The following SUZ12 variants were observed in gnomAD, a reference collection of about 807,000 sequenced individuals.
SUZ12 encodes the protein polycomb protein SUZ12.
SUZ12 carries 17 observed loss-of-function variants against 87.3 expected under a neutral mutation model. That is an observed-to-expected ratio of 0.19 (90% CI 0.13 to 0.29). The LOEUF (loss-of-function observed/expected upper bound fraction) is 0.29. Ranked by LOEUF, SUZ12 falls within the 10% of genes least tolerant of loss-of-function variation. The pLI, the probability that SUZ12 is intolerant of heterozygous loss-of-function variation, is 1.00. For synonymous variants in SUZ12, 253 were observed against 312.4 expected (o/e 0.81, Z 2.01); for missense variants, 526 against 912.2 (o/e 0.58, Z 5.45).
In SUZ12 at chr17:31,995,654, T is replaced by C; in HGVS notation, c.1686T>C (p.Asn562=). Residue 562 remains asparagine, a synonymous_variant, in exon 14 of 16, where the codon AAT becomes AAC. Coordinates refer to ENST00000322652, the MANE Select transcript of SUZ12 (RefSeq NM_015355.4). ...EQQRTYSSGH[N]RLYFHSDTCL... ...AAAGAACATATAGTAGTGGCCACAA[T>C]CGTCTGTATTTCCATAGTGATACCT... The C allele has an allele frequency of 6.2e-7, 1 of 1,614,006 alleles. No homozygotes were observed. The highest frequency in any genetic ancestry group is 8.5e-7 in the Non-Finnish European group (1 of 1,179,948).
intron 8 of SUZ12, among the ~76,000 whole-genome samples, chr17:31,982,228 C>T (rs1197101903): frequency 1.3e-5 from 2 of 152,156 alleles, no homozygotes; most frequent in African/African-American, 4.8e-5. Context: ...CCAGATTCGT[C>T]ATTATAATAA....
chr17:31,955,881 C>G (rs1907296862), intron 4 of SUZ12, among the ~76,000 whole-genome samples: 1 of 151,762 alleles, frequency 6.6e-6, no homozygotes, highest in African/African-American at 2.4e-5. Context: ...TACACCCAGC[C>G]TGTTGTTTTT....
At position 31,994,683 on chromosome 17, in the gene SUZ12, A is replaced by G. The variant is rs1909882137; in HGVS notation, c.1557A>G (p.Pro519=). 6.2e-7 allele frequency: 1 copy of G among 1,614,092 alleles called. No homozygotes were observed. Among genetic ancestry groups the G allele is most frequent in the Non-Finnish European group, 8.5e-7 (1 of 1,179,984 alleles). The change falls in exon 13 of 16, where the codon CCA becomes CCG. Residue 519 remains proline (P), a synonymous_variant. Coordinates refer to ENST00000322652, the MANE Select transcript of SUZ12 (RefSeq NM_015355.4). ...QPGFAFSRNG[P]VKRTPITHIL... is the part of the protein sequence containing the mutation. Reference sequence around the variant, plus strand: ...GATTTGCTTTTAGTCGCAACGGACCAGTTAAGAGAACACCTATCACACATA... The same window carrying G: ...GATTTGCTTTTAGTCGCAACGGACCGGTTAAGAGAACACCTATCACACATA...
intron 8 of SUZ12, among the ~76,000 whole-genome samples, chr17:31,981,206 C>G (rs1207054707): frequency 6.6e-6 from 1 of 152,150 alleles, no homozygotes; most frequent in African/African-American, 2.4e-5. Context: ...TTCAACTTGT[C>G]TTTCAGGTAG....
chr17:31,961,850 TG>T (rs1907737301), intron 4 of SUZ12, among the ~76,000 whole-genome samples: 1 of 152,204 alleles, frequency 6.6e-6, no homozygotes, highest in African/African-American at 2.4e-5. Flanking sequence ...AGAAAAGTAA[TG>T]TAAATAATAC....
chr17:31,972,622 C>T (rs555164108), intron 5 of SUZ12, among the ~76,000 whole-genome samples: 2 of 152,242 alleles, frequency 1.3e-5, no homozygotes, highest in South Asian at 4.2e-4. Flanking sequence ...CTGTGTTGCG[C>T]AGGCTGGTCT....
chr17:31,988,085 T>G (rs1392066841), intron 9 of SUZ12, among the ~76,000 whole-genome samples: 1 of 152,230 alleles, frequency 6.6e-6, no homozygotes. Flanking sequence ...AATTCACCTG[T>G]TGCTGATCAG....
At chr17:31,970,865 T>C (rs1378936790) in intron 5 of SUZ12, among the ~76,000 whole-genome samples, 1 of 152,252 alleles carries the variant, frequency 6.6e-6, no homozygotes, top group East Asian at 1.9e-4. Flanking sequence ...ATTTTTTTTG[T>C]GTGTTCATGG....
chr17:31,994,215 A>T (rs544837102), intron 12 of SUZ12: 18 of 501,882 alleles, frequency 3.6e-5, no homozygotes, highest in African/African-American at 2.7e-4. Flanking sequence ...TATGGATTAC[A>T]GTGAATGATT....
intron 3 of SUZ12, among the ~76,000 whole-genome samples, chr17:31,942,821 A>G (rs902496523): frequency 6.6e-6 from 1 of 152,204 alleles, no homozygotes; most frequent in African/African-American, 2.4e-5. Flanking sequence ...TTTTTGTCCT[A>G]GGTGCAAGAT....
At chr17:31,997,612 G>A (rs1174581010) in intron 15 of SUZ12, among the ~76,000 whole-genome samples, 1 of 142,202 alleles carries the variant, frequency 7.0e-6, no homozygotes, top group Non-Finnish European at 1.5e-5. Flanking sequence ...ATTGCAGTGA[G>A]CCAAGATTGC....
At chr17:31,954,446 A>G (rs1907181569) in intron 4 of SUZ12, among the ~76,000 whole-genome samples, 1 of 152,004 alleles carries the variant, frequency 6.6e-6, no homozygotes, top group African/African-American at 2.4e-5. Context: ...TATTTTTACA[A>G]TAAGAAGGCC....
At chr17:31,988,281 A>T (rs1470013766) in intron 9 of SUZ12, 39 bp from the exon 10 acceptor site, 13 of 1,493,356 alleles carry the variant, frequency 8.7e-6, no homozygotes, top group African/African-American at 5.7e-5. Flanking sequence ...TGAATTCATT[A>T]TCTGAGTCTC....
intron 5 of SUZ12, chr17:31,966,401 G>A (rs1285950851): frequency 3.8e-6 from 2 of 525,402 alleles, no homozygotes; most frequent in Non-Finnish European, 3.4e-6. Flanking sequence ...AGGCTGGAGT[G>A]CAATGTTATG....
chr17:31,996,817 A>T lies in SUZ12; in HGVS notation c.1814A>T (p.Asp605Val). 1 of 1,554,160 alleles carries T rather than the reference A, an allele frequency of 6.4e-7. No homozygotes were observed. The highest frequency in any genetic ancestry group is 2.2e-5 in the Admixed American group (1 of 45,204). The change falls in exon 15 of 16, where the codon GAT becomes GTT. Residue 605 changes from aspartate to valine, a missense_variant. Physicochemically the swap from Asp to Val is radical, Grantham distance 152 (BLOSUM62 -3). Coordinates refer to ENST00000322652, the MANE Select transcript of SUZ12 (RefSeq NM_015355.4). ...TCCCAGCAAATTGAAGAGTTTTCTG[A>T]TGTTAATGAAGGAGAGAAAGAAGTG... Reference protein sequence around the residue: ...KTITQIEEFSDVNEGEKEVMK... With the variant: ...KTITQIEEFSVVNEGEKEVMK...
At chr17:31,986,121 A>G (rs1909404744) in intron 9 of SUZ12, among the ~76,000 whole-genome samples, 1 of 151,548 alleles carries the variant, frequency 6.6e-6, no homozygotes, top group Non-Finnish European at 1.5e-5. Flanking sequence ...GGCATGCGCC[A>G]CCAGGCCTGG....
At chr17:31,957,240 T>G (rs1907401427) in intron 4 of SUZ12, among the ~76,000 whole-genome samples, 1 of 115,962 alleles carries the variant, frequency 8.6e-6, no homozygotes, top group Non-Finnish European at 2.1e-5. Context: ...ACATTTTTTG[T>G]TTTTTTTTTT....
chr17:31,999,357 TTTGTAATTGTGAGACATTTTC>T lies in SUZ12; in HGVS notation c.*358_*378del, dbSNP rs1249535295. 4.3e-6 allele frequency: 1 copy of T among 234,928 alleles called. No homozygotes were observed. Among genetic ancestry groups the T allele is most frequent in the Non-Finnish European group, 8.4e-6 (1 of 119,580 alleles). The allele number at this position is 234,928 out of a possible 1,614,324, so 14.6% of individuals were successfully genotyped here. ...CATTTATGAACGGCTGTTTTTCTAC[TTTGTAATTGTGAGACATTTTC>T]TTGGGGAGGGAAAATTGGAATGGTT... On this transcript the variant is annotated 3_prime_UTR_variant, in exon 16 of 16. Transcript: ENST00000322652.
At chr17:31,958,328 A>G (rs1271277842) in intron 4 of SUZ12, among the ~76,000 whole-genome samples, 2 of 152,210 alleles carry the variant, frequency 1.3e-5, no homozygotes, top group Non-Finnish European at 2.9e-5. Context: ...GAGCCACTGC[A>G]TCCGACCTAT....
Sources: gnomAD v4.1 joint callset for allele counts (sites outside exome capture counted in the v4.1 genomes callset) on GRCh38, gnomAD v4.1.1 for gene constraint, MANE v1.5 for transcripts, NCBI Gene and HGNC (gene_info 2026-07-23, HGNC 2026-07-21) for gene names.